Variants in CLIP3 observed in about 807,000 individuals in gnomAD.
CLIP3 encodes CAP-Gly domain containing linker protein 3.
In CLIP3, 15 loss-of-function variants were observed where a neutral mutation model predicts 59.4. That is an observed-to-expected ratio of 0.25 (90% CI 0.17 to 0.39). The LOEUF (loss-of-function observed/expected upper bound fraction) is 0.39. CLIP3 is among the 10% of genes least tolerant of loss of function. The probability of loss-of-function intolerance (pLI) is 1.00; values close to 1 mark genes in which losing one functional copy is unlikely to be tolerated. For missense variants in CLIP3, 495 were observed against 765.7 expected, an observed-to-expected ratio of 0.65 and a Z score of 4.17; for synonymous variants, 300 against 321.6, an observed-to-expected ratio of 0.93 and a Z score of 0.72.
At chr19:36,029,409 C>T (rs1969201031) in intron 2 of CLIP3, among the ~76,000 whole-genome samples, 1 of 151,552 alleles carries the variant, frequency 6.6e-6, no homozygotes, top group Admixed American at 6.6e-5. Context: ...GCTTCAGCCT[C>T]CCTGGTAGCT....
In CLIP3 at chr19:36,017,944, G is replaced by A. The variant is rs748155347; in HGVS notation, c.1231C>T (p.Arg411Cys). The A allele has an allele frequency of 5.6e-6, 9 of 1,613,980 alleles. No individual in the cohort carries two copies. The African/African-American group carries it at 6.7e-5, about 12-fold the overall frequency. Reference protein sequence around the residue: ...SSPSLGSLQQRDGAKAEVGDQ... With the variant: ...SSPSLGSLQQCDGAKAEVGDQ... ...CCAACCTCAGCCTTGGCCCCGTCAC[G>A]CTGCTGCAAGCTGCCCAGAGATGGG... is the stretch of plus-strand genomic sequence containing the variant. Residue 411 changes from arginine (R) to cysteine (C), a missense_variant, in exon 10 of 14, where the codon CGT becomes TGT. Transcript: ENST00000360535.
At chr19:36,030,380 A>C (rs977196546) in intron 2 of CLIP3, among the ~76,000 whole-genome samples, 3 of 152,138 alleles carry the variant, frequency 2.0e-5, no homozygotes, top group African/African-American at 7.2e-5. Flanking sequence ...ATTAGACTGA[A>C]GTCAACTTGT....
chr19:36,022,335 A>G (rs963099086), intron 7 of CLIP3, among the ~76,000 whole-genome samples: 1 of 152,158 alleles, frequency 6.6e-6, no homozygotes, highest in Non-Finnish European at 1.5e-5. Context: ...TACTATTATT[A>G]TCTCCATTTA....
At position 36,019,152 on chromosome 19, in the gene CLIP3, G is replaced by A. The variant is rs773979082; in HGVS notation, c.1054+19C>T. On this transcript the variant is annotated intron_variant, in intron 8 of 13. Coordinates refer to ENST00000360535, the MANE Select transcript of CLIP3 (RefSeq NM_015526.3). ...TGGACACCCAGCCACACCCCTCTTG[G>A]GCCCGAGGTCGGACTAACCCTGCTT... The A allele has an allele frequency of 1.9e-6, 3 of 1,613,810 alleles. No homozygotes were observed. The highest frequency in any genetic ancestry group is 2.5e-6 in the Non-Finnish European group (3 of 1,179,974).
At position 36,017,991 on chromosome 19, in the gene CLIP3, C is replaced by A; in HGVS notation, c.1184G>T (p.Gly395Val). The stretch of plus-strand genomic sequence containing the variant: ...TGGGGATGATGGGGTCTTCTTCTTG[C>A]CTAAGGGTAGAAGGTGTAGGAGGTG... ...VTGKGRREHK[G>V]KKKTPSSPSL... The change falls in exon 10 of 14, where the codon GGC becomes GTC. Residue 395 changes from glycine to valine, a missense_variant and splice_region_variant. This residue lies in a region of CLIP3 where 179 missense variants were observed against 226.2 expected (regional missense o/e 0.79). Coordinates refer to ENST00000360535, the MANE Select transcript of CLIP3 (RefSeq NM_015526.3). 6.2e-7 allele frequency: 1 copy of A among 1,613,710 alleles called. No homozygotes were observed. The highest frequency in any genetic ancestry group is 8.5e-7 in the Non-Finnish European group (1 of 1,180,014).
At chr19:36,018,474 C>T (rs898281611) in intron 9 of CLIP3, among the ~76,000 whole-genome samples, 4 of 150,546 alleles carry the variant, frequency 2.7e-5, no homozygotes, top group African/African-American at 7.4e-5. Flanking sequence ...CCCAGCTACT[C>T]GGGAGGCTGA....
rs535756164 is a variant in CLIP3 at position 36,028,107 on chromosome 19, C to T, written c.167-836G>A. Among the ~76,000 whole-genome samples, 37 of 152,178 alleles carry T rather than the reference C, an allele frequency of 2.4e-4. 2 individuals carry two copies. In the South Asian group the frequency reaches 6.6e-3, roughly 27 times the overall value. On this transcript the variant is annotated intron_variant, in intron 2 of 13. Coordinates refer to ENST00000360535, the MANE Select transcript of CLIP3 (RefSeq NM_015526.3). ...ATCCCAGCACTTTTGGAGGCCGGGG[C>T]GGGCGGATCACCTCAGGTCAGGAGT...
At chr19:36,022,921 G>T (rs543614189) in intron 7 of CLIP3, among the ~76,000 whole-genome samples, 3 of 152,118 alleles carry the variant, frequency 2.0e-5, no homozygotes, top group African/African-American at 7.2e-5. Context: ...CAGGCATGGT[G>T]GTGGGCACCT....
At chr19:36,031,025 T>TTTTTTTTTTTTTTTTTTTTTC (rs1969251895) in intron 2 of CLIP3, among the ~76,000 whole-genome samples, 2 of 82,658 alleles carry the variant, frequency 2.4e-5, no homozygotes, top group African/African-American at 6.6e-5. Flanking sequence ...TTTTTTTTCT[T>TTTTTTTTTTTTTTTTTTTTTC]TTTTTTTTTT....
chr19:36,031,898 G>A (rs1028010682), intron 2 of CLIP3, among the ~76,000 whole-genome samples: 2 of 152,170 alleles, frequency 1.3e-5, no homozygotes, highest in Non-Finnish European at 2.9e-5. Flanking sequence ...CTTGCCCCCT[G>A]CTGTGGCCCC....
intron 7 of CLIP3, among the ~76,000 whole-genome samples, chr19:36,020,558 C>T (rs2145394578): frequency 6.6e-6 from 1 of 152,190 alleles, no homozygotes; most frequent in South Asian, 2.1e-4. Context: ...CAGATAGCAC[C>T]ACTGCACTCC....
At chr19:36,017,523 G>A in intron 11 of CLIP3, 73 bp from the exon 12 acceptor site, 70 of 1,601,578 alleles carry the variant, frequency 4.4e-5, no homozygotes, top group Non-Finnish European at 6.0e-5. Context: ...TGGGCCCCAG[G>A]GATCTATGAG....
intron 7 of CLIP3, among the ~76,000 whole-genome samples, chr19:36,020,710 CTTGT>C (rs1968930358): frequency 6.6e-6 from 1 of 152,180 alleles, no homozygotes; most frequent in African/African-American, 2.4e-5. Context: ...TCACATGTAG[CTTGT>C]AGCTACTTTA....
chr19:36,019,583 T>G (rs1034011313), intron 7 of CLIP3, among the ~76,000 whole-genome samples: 4 of 128,442 alleles, frequency 3.1e-5, no homozygotes, highest in Non-Finnish European at 4.9e-5. Flanking sequence ...ACAATGTAAA[T>G]TTATTTATTT....
rs1220943024 is a variant in CLIP3 at position 36,026,554 on chromosome 19, T to G, written c.562+32A>C. On this transcript the variant is annotated intron_variant, in intron 5 of 13. Coordinates refer to ENST00000360535, the MANE Select transcript of CLIP3 (RefSeq NM_015526.3). This position sits in a 1 kb window ranked among gnomAD's most constrained non-coding sequence, Gnocchi z 6.3. ...TCTCCGCGTCCCTCACCCAGGTCCT[T>G]GCCCCCTCCCAGCCAGGGCTCTCCT... 3 of 1,610,826 alleles carry G rather than the reference T, an allele frequency of 1.9e-6. No individual in the cohort carries two copies. The highest frequency in any genetic ancestry group is 1.7e-6 in the Non-Finnish European group (2 of 1,178,522).
intron 2 of CLIP3, among the ~76,000 whole-genome samples, chr19:36,031,149 G>A (rs1969257702): frequency 6.7e-6 from 1 of 150,320 alleles, no homozygotes; most frequent in Admixed American, 6.6e-5. Context: ...CCGAGTGGCT[G>A]GGATTACAGA....
rs1202797457 is a variant in CLIP3 at position 36,031,027 on chromosome 19, T to TTC, written c.166+1164_166+1165insGA. On this transcript the variant is annotated intron_variant, in intron 2 of 13. Coordinates refer to ENST00000360535, the MANE Select transcript of CLIP3 (RefSeq NM_015526.3). ...TCTTTTCTTTTTTTTTTTTTTCTTT[T>TTC]TTTTTTTTTTTTTTGAGACAGTCTT... Among the ~76,000 whole-genome samples the TTC allele has an allele frequency of 2.6e-3, 311 of 118,858 alleles. 5 individuals carry two copies. The highest frequency in any genetic ancestry group is 0.011 in the African/African-American group (300 of 26,410). The allele number at this position is 118,858 out of a possible 152,430, so 78.0% of individuals were successfully genotyped here. A position where few individuals can be genotyped will look rare whatever the true frequency, so the allele number is the denominator to read the frequency against.
rs1485225034 is a variant in CLIP3 at position 36,032,781 on chromosome 19, G to C, written c.-116C>G. The C allele has an allele frequency of 1.3e-5, 2 of 154,878 alleles. No individual in the cohort carries two copies. Among genetic ancestry groups the C allele is most frequent in the African/African-American group, 4.8e-5 (2 of 41,580 alleles). The allele number at this position is 154,878 out of a possible 1,614,324, so 9.6% of individuals were successfully genotyped here. On this transcript the variant is annotated 5_prime_UTR_variant, in exon 1 of 14. Transcript: ENST00000360535. This position sits in a 1 kb window ranked among gnomAD's most constrained non-coding sequence, Gnocchi z 4.3. ...GACTGGGGAGACTGTGGGAGCAATG[G>C]GGTGTCGGTGTCAGGGGACGTGATG...
Position 36,026,191 on chromosome 19 carries a change from C to G in CLIP3, c.637G>C (p.Ala213Pro). 1 of 1,613,826 alleles carries G rather than the reference C, an allele frequency of 6.2e-7. No individual in the cohort carries two copies. Among genetic ancestry groups the G allele is most frequent in the Non-Finnish European group, 8.5e-7 (1 of 1,179,968 alleles). Reference protein sequence around the residue: ...HIAASSLCLGAAKCLLEHGAN... With the variant: ...HIAASSLCLGPAKCLLEHGAN... ...CCGTGCTCCAGCAAACATTTGGCGGCGCCCAGGCACAGGCTGGAAGCAGCG... is the reference window on the plus strand; with the variant it reads ...CCGTGCTCCAGCAAACATTTGGCGGGGCCCAGGCACAGGCTGGAAGCAGCG... The change falls in exon 6 of 14, where the codon GCC becomes CCC. Residue 213 changes from alanine to proline, a missense_variant. Ala to Pro is a conservative substitution (Grantham distance 27). Transcript: ENST00000360535. This position sits in a 1 kb window ranked among gnomAD's most constrained non-coding sequence, Gnocchi z 6.3.
Sources: gnomAD v4.1 joint callset for allele counts (sites outside exome capture counted in the v4.1 genomes callset) on GRCh38, gnomAD v4.1.1 for gene constraint, gnomAD v4.1.1 regional missense constraint, Gnocchi (gnomAD v3.1) non-coding constraint, MANE v1.5 for transcripts, NCBI Gene and HGNC (gene_info 2026-07-23, HGNC 2026-07-21) for gene names.